Variants in NYAP2 observed in about 807,000 individuals in gnomAD.
The protein encoded by NYAP2 is neuronal tyrosine-phosphorylated phosphoinositide-3-kinase adapter 2.
Under a neutral mutation model 50.4 loss-of-function variants are expected in NYAP2, and 23 were observed. The observed-to-expected ratio is 0.46, with a 90% CI of 0.33 to 0.65. The LOEUF is 0.65. Ranked by LOEUF, NYAP2 falls within the 30% of genes least tolerant of loss-of-function variation. The probability of loss-of-function intolerance (pLI) is 0.02; values close to 1 mark genes in which losing one functional copy is unlikely to be tolerated. For synonymous variants in NYAP2, 394 were observed against 365.2 expected (o/e 1.08, Z -0.90); for missense variants, 885 against 861.0 (o/e 1.03, Z -0.35).
At chr2:225,659,130 G>A in the NYAP2 span, among the ~76,000 whole-genome samples, 8 of 152,122 alleles carry the variant, frequency 5.3e-5, no homozygotes, top group Non-Finnish European at 1.0e-4. Context: ...GACAAATAAG[G>A]GTGGGGATTG....
intron 3 of NYAP2, among the ~76,000 whole-genome samples, chr2:225,467,055 T>A (rs74476331): frequency 6.6e-6 from 1 of 152,082 alleles, no homozygotes; most frequent in South Asian, 2.1e-4. Context: ...TTCCGGATCT[T>A]GTGTTCCTTC....
chr2:225,643,173 T>TA (rs1446055463), intron 6 of NYAP2, among the ~76,000 whole-genome samples: 3 of 152,220 alleles, frequency 2.0e-5, no homozygotes, highest in Admixed American at 6.5e-5. Flanking sequence ...TTATAGATGA[T>TA]AAAAAATCCC....
At chr2:225,677,075 C>T in the NYAP2 span, among the ~76,000 whole-genome samples, 1 of 152,080 alleles carries the variant, frequency 6.6e-6, no homozygotes, top group Admixed American at 6.6e-5. Context: ...GTTAGAGAGT[C>T]TCTGATTTTT....
At chr2:225,690,162 CTTT>C in the NYAP2 span, among the ~76,000 whole-genome samples, 2 of 151,990 alleles carry the variant, frequency 1.3e-5, no homozygotes, top group Non-Finnish European at 2.9e-5. Context: ...CTGACTGTTC[CTTT>C]TTAAACATTT....
chr2:225,588,266 T>G (rs1483087889), intron 5 of NYAP2, among the ~76,000 whole-genome samples: 1 of 152,118 alleles, frequency 6.6e-6, no homozygotes, highest in Non-Finnish European at 1.5e-5. Context: ...ATTTTTAAAA[T>G]TATAGATATA....
intron 4 of NYAP2, among the ~76,000 whole-genome samples, chr2:225,570,019 C>T (rs541195213): frequency 1.3e-5 from 2 of 152,332 alleles, no homozygotes; most frequent in East Asian, 3.9e-4. Flanking sequence ...GTCTGCAGCA[C>T]CACCACTGTT....
chr2:225,657,271 G>A (rs1469670607), downstream of NYAP2, among the ~76,000 whole-genome samples: 3 of 151,802 alleles, frequency 2.0e-5, no homozygotes, highest in African/African-American at 7.3e-5. Flanking sequence ...CACCACACCA[G>A]GCTAAATTTT....
At chr2:225,549,325 A>G (rs565762387) in intron 4 of NYAP2, among the ~76,000 whole-genome samples, 3 of 152,354 alleles carry the variant, frequency 2.0e-5, no homozygotes, top group South Asian at 4.1e-4. Flanking sequence ...ATCTGTTTCC[A>G]ACTCTAAACA....
chr2:225,415,452 A>G (rs1695107216), intron 3 of NYAP2, among the ~76,000 whole-genome samples: 1 of 152,216 alleles, frequency 6.6e-6, no homozygotes, highest in African/African-American at 2.4e-5. Context: ...ACCCAAAGAC[A>G]TAATTACACA....
chr2:225,478,075 G>A (rs969794060), intron 3 of NYAP2, among the ~76,000 whole-genome samples: 1 of 152,156 alleles, frequency 6.6e-6, no homozygotes, highest in African/African-American at 2.4e-5. Flanking sequence ...AGGCATTTAA[G>A]GAACATAAGT....
intron 4 of NYAP2, among the ~76,000 whole-genome samples, chr2:225,543,718 G>A (rs575656382): frequency 9.5e-4 from 144 of 152,110 alleles, no homozygotes; most frequent in Admixed American, 2.4e-3. Context: ...GTGCTGAGGA[G>A]AAAAATGTGT....
At chr2:225,426,334 G>A (rs1171664046) in intron 3 of NYAP2, among the ~76,000 whole-genome samples, 1 of 152,020 alleles carries the variant, frequency 6.6e-6, no homozygotes, top group Non-Finnish European at 1.5e-5. Flanking sequence ...CTACAGATTA[G>A]GATGTTGTAA....
intron 5 of NYAP2, among the ~76,000 whole-genome samples, chr2:225,604,649 GA>G (rs113485855): frequency 0.1 from 15,934 of 151,860 alleles, 949 homozygotes; most frequent in South Asian, 0.13. Flanking sequence ...CATTTTGGAG[GA>G]AAAAAATCAA....
In NYAP2 at chr2:225,585,143, C is replaced by A. The variant is rs117046079; in HGVS notation, c.1618+2108C>A. Among the ~76,000 whole-genome samples, 374 of 152,272 alleles carry A rather than the reference C, an allele frequency of 2.5e-3. 5 individuals carry two copies. In the East Asian group the frequency reaches 0.065, roughly 27 times the overall value. ...ATTTACTAAAGTTTAAAGTTTCTTC[C>A]AGATAATTCATTGATTGATTTGGTT... On this transcript the variant is annotated intron_variant, in intron 5 of 6. Coordinates refer to ENST00000636099, the Ensembl canonical transcript of NYAP2.
At chr2:225,433,699 C>T (rs1204158402) in intron 3 of NYAP2, among the ~76,000 whole-genome samples, 1 of 151,390 alleles carries the variant, frequency 6.6e-6, no homozygotes, top group East Asian at 1.9e-4. Flanking sequence ...CGCCTGTAGT[C>T]CCAGCTACTC....
At chr2:225,665,835 A>AAAAAAAAAAAAAAC in the NYAP2 span, among the ~76,000 whole-genome samples, 1 of 146,428 alleles carries the variant, frequency 6.8e-6, no homozygotes. Context: ...AAAAAAAAAA[A>AAAAAAAAAAAAAAC]AAGCCCACCA....
rs552760157 is a variant in NYAP2, at chr2:225,511,602, T to C, written c.222-1769T>C. ...GAAAATATTCAGAAAAAAATACATA[T>C]AAAATATTTTGGGTTGAGTGGCAAG... is the stretch of plus-strand genomic sequence containing the variant. On this transcript the variant is annotated intron_variant, in intron 3 of 6. Coordinates refer to ENST00000636099, the Ensembl canonical transcript of NYAP2. 2.6e-5 allele frequency among the ~76,000 whole-genome samples: 4 copies of C among 152,170 alleles called. No homozygotes were observed. In the South Asian group the frequency reaches 6.2e-4, roughly 24 times the overall value.
At chr2:225,621,007 G>A (rs1346137888) in intron 5 of NYAP2, among the ~76,000 whole-genome samples, 2 of 151,866 alleles carry the variant, frequency 1.3e-5, no homozygotes, top group East Asian at 1.9e-4. Flanking sequence ...CCAGCTACTC[G>A]GGAGGCTGAG....
intron 3 of NYAP2, among the ~76,000 whole-genome samples, chr2:225,410,351 T>C (rs1375043877): frequency 2.0e-5 from 3 of 152,154 alleles, no homozygotes; most frequent in Non-Finnish European, 2.9e-5. Context: ...TTGAGGACTA[T>C]GTTATTTTGA....
Sources: allele counts gnomAD v4.1 joint callset (sites outside exome capture counted in the v4.1 genomes callset), GRCh38; gene constraint gnomAD v4.1.1; transcripts MANE v1.5; gene names NCBI Gene and HGNC (gene_info 2026-07-23, HGNC 2026-07-21).